The following CCDC30 variants were observed in gnomAD, a reference collection of about 807,000 sequenced individuals.
CCDC30 encodes coiled-coil domain-containing protein 30.
A neutral mutation model predicts 100.2 loss-of-function variants in CCDC30; 70 were observed. That is an observed-to-expected ratio of 0.70 (90% CI 0.58 to 0.85). CCDC30 has a LOEUF of 0.85. Ranked by LOEUF, CCDC30 falls within the 40% of genes least tolerant of loss-of-function variation. The pLI is 0.00. For synonymous variants in CCDC30, 233 were observed against 269.5 expected, an observed-to-expected ratio of 0.86 and a Z score of 1.33; for missense variants, 652 against 771.2, an observed-to-expected ratio of 0.85 and a Z score of 1.83.
chr1:42,483,583 C>CT (rs1644000213), intron 3 of CCDC30, among the ~76,000 whole-genome samples: 10 of 152,136 alleles, frequency 6.6e-5, no homozygotes, highest in Admixed American at 6.6e-4. Context: ...TTAAGTGTGG[C>CT]TTTAACTGGT....
chr1:42,587,106 GC>G (rs1273409139), intron 9 of CCDC30, among the ~76,000 whole-genome samples: 1 of 151,876 alleles, frequency 6.6e-6, no homozygotes, highest in Non-Finnish European at 1.5e-5. Context: ...CAAGCACTTC[GC>G]CCACCTCAGC....
chr1:42,576,731 G>T (rs1645845367), intron 7 of CCDC30, among the ~76,000 whole-genome samples: 1 of 152,184 alleles, frequency 6.6e-6, no homozygotes, highest in Admixed American at 6.5e-5. Flanking sequence ...ACCCTTGGCA[G>T]AAAGTTTCAC....
chr1:42,551,194 G>A lies in CCDC30; in HGVS notation c.457-15102G>A, dbSNP rs796478214. 6.6e-5 allele frequency among the ~76,000 whole-genome samples: 10 copies of A among 152,268 alleles called. 1 individual carries two copies. The highest frequency in any genetic ancestry group is 2.2e-4 in the African/African-American group (9 of 41,562). ...GTGATTGTGCCTTGTAGAAGGTTAC[G>A]TAAATAGTAGGTGGAAGATACAGGA... On this transcript the variant is annotated intron_variant, in intron 6 of 16. Transcript: ENST00000668663.
chr1:42,458,665 A>T (rs1422124013), upstream of CCDC30, among the ~76,000 whole-genome samples: 1 of 152,200 alleles, frequency 6.6e-6, no homozygotes, highest in African/African-American at 2.4e-5. Flanking sequence ...TTTTAGGGCA[A>T]AGTCTGATGA....
chr1:42,652,801 C>T (rs1409200952), intron 15 of CCDC30, among the ~76,000 whole-genome samples: 2 of 152,110 alleles, frequency 1.3e-5, no homozygotes, highest in African/African-American at 4.8e-5. Context: ...TTGTATGATT[C>T]TATTTATATG....
chr1:42,548,383 A>T (rs1216791011), intron 6 of CCDC30, among the ~76,000 whole-genome samples: 1 of 152,204 alleles, frequency 6.6e-6, no homozygotes, highest in Non-Finnish European at 1.5e-5. Context: ...GGGTTTTGCC[A>T]TGTGAGTGCA....
chr1:42,524,129 G>T, intron 6 of CCDC30, among the ~76,000 whole-genome samples: 2 of 150,564 alleles, frequency 1.3e-5, no homozygotes, highest in African/African-American at 2.4e-5. Context: ...GTTTTAAATG[G>T]GCCACACCTT....
At chr1:42,589,505 C>T (rs1439885774) in intron 10 of CCDC30, 22 bp downstream of exon 14, 2 of 1,600,586 alleles carry the variant, frequency 1.2e-6, no homozygotes, top group Non-Finnish European at 1.7e-6. Flanking sequence ...AATAGACATG[C>T]TTCTCAGTTT....
chr1:42,489,894 C>T (rs1157229307), intron 3 of CCDC30: 1 of 206,488 alleles, frequency 4.8e-6, no homozygotes, highest in East Asian at 9.3e-5. Flanking sequence ...TTAAATTCCT[C>T]TTCATCATGA....
intron 6 of CCDC30, among the ~76,000 whole-genome samples, chr1:42,547,303 G>A (rs954784990): frequency 6.6e-6 from 1 of 152,170 alleles, no homozygotes; most frequent in African/African-American, 2.4e-5. Context: ...GATTGTTCTA[G>A]TATCTCTTTA....
In CCDC30 at chr1:42,556,519, G is replaced by A. The variant is rs1252010565; in HGVS notation, c.457-9777G>A. 11 of 1,157,706 alleles carry A rather than the reference G, an allele frequency of 9.5e-6. No individual in the cohort carries two copies. In the East Asian group the frequency reaches 2.4e-4, roughly 25 times the overall value. 71.7% of individuals were successfully genotyped at this position (1,157,706 alleles called of 1,614,324 possible). On this transcript the variant is annotated intron_variant, in intron 6 of 16. Transcript: ENST00000668663. ...TATATGTTTTTTTTTATTTTTTTAGGTACATAGTAGATGTGTGTATTTATG... is the reference window on the plus strand; with the variant it reads ...TATATGTTTTTTTTTATTTTTTTAGATACATAGTAGATGTGTGTATTTATG...
chr1:42,470,377 G>A (rs561089323), intron 1 of CCDC30, among the ~76,000 whole-genome samples: 1 of 152,062 alleles, frequency 6.6e-6, no homozygotes, highest in Admixed American at 6.5e-5. Context: ...ACGTAAAATG[G>A]TGCAGCTGCA....
chr1:42,577,231 T>A lies in CCDC30; in HGVS notation c.846+2T>A. The stretch of plus-strand genomic sequence containing the variant: ...AAAGTTGCTGATGCAGAGGAAAAGG[T>A]AATTATCCTCATGCTTAATAAACAG... On this transcript the variant is annotated splice_donor_variant, in intron 8 of 16. Transcript: ENST00000668663. LOFTEE classifies it high-confidence loss of function. 6.3e-7 allele frequency: 1 copy of A among 1,586,526 alleles called. No individual in the cohort carries two copies. Among genetic ancestry groups the A allele is most frequent in the Non-Finnish European group, 8.7e-7 (1 of 1,155,016 alleles).
At chr1:42,515,207 C>CA (rs58531777) in intron 6 of CCDC30, among the ~76,000 whole-genome samples, 70,540 of 136,558 alleles carry the variant, frequency 0.52, 17,635 homozygotes, top group East Asian at 0.57. Context: ...AGCTGCAAGC[C>CA]AAAAAAAAAA....
chr1:42,460,813 A>G (rs532872740), upstream of CCDC30, among the ~76,000 whole-genome samples: 89 of 152,326 alleles, frequency 5.8e-4, no homozygotes, highest in Admixed American at 1.2e-3. Context: ...TATTGTGAGG[A>G]TCAAATGAAA....
chr1:42,641,658 G>A (rs1428531450), intron 12 of CCDC30, among the ~76,000 whole-genome samples: 3 of 152,120 alleles, frequency 2.0e-5, no homozygotes, highest in Non-Finnish European at 4.4e-5. Flanking sequence ...CTTGTGATCA[G>A]GAGTTTGAGA....
chr1:42,581,360 A>G lies in CCDC30; in HGVS notation c.847A>G (p.Ile283Val), dbSNP rs777793972. Residue 283 changes from isoleucine to valine, a missense_variant and splice_region_variant, in exon 9 of 17, where the codon ATT (isoleucine) becomes GTT (valine). Transcript: ENST00000668663. ...ACTTGTAAATGTTTTTTCATTCAAG[A>G]TTTTGGACCTGCAGCGGAAATTAGA... The G allele has an allele frequency of 3.1e-6, 5 of 1,593,168 alleles. No homozygotes were observed. Among genetic ancestry groups the G allele is most frequent in the African/African-American group, 1.4e-5 (1 of 73,266 alleles).
intron 10 of CCDC30, among the ~76,000 whole-genome samples, chr1:42,604,546 T>A (rs1646467509): frequency 6.6e-6 from 1 of 152,206 alleles, no homozygotes; most frequent in Non-Finnish European, 1.5e-5. Flanking sequence ...TAAGATACAC[T>A]GTGATTTTAA....
intron 15 of CCDC30, among the ~76,000 whole-genome samples, chr1:42,647,514 T>C (rs1647985800): frequency 6.6e-6 from 1 of 152,190 alleles, no homozygotes; most frequent in African/African-American, 2.4e-5. Flanking sequence ...CAACTCTCCA[T>C]AATGGACAGA....
Sources: allele counts gnomAD v4.1 joint callset (sites outside exome capture counted in the v4.1 genomes callset), GRCh38; gene constraint gnomAD v4.1.1; transcripts MANE v1.5; gene names NCBI Gene and HGNC (gene_info 2026-07-23, HGNC 2026-07-21).